The following ATP12A variants were observed in gnomAD, a reference collection of about 807,000 sequenced individuals.
ATP12A encodes the protein ATPase H+/K+ transporting non-gastric alpha2 subunit.
In ATP12A, 81 loss-of-function variants were observed where a neutral mutation model predicts 111.2. That is an observed-to-expected ratio of 0.73 (90% CI 0.61 to 0.88). ATP12A has a LOEUF of 0.88. ATP12A is among the 40% of genes least tolerant of loss of function. The probability of loss-of-function intolerance (pLI) is 0.00; values close to 1 mark genes in which losing one functional copy is unlikely to be tolerated. For synonymous variants in ATP12A, 498 were observed against 499.8 expected, an observed-to-expected ratio of 1.00 and a Z score of 0.05; for missense variants, 1,196 against 1,313.1, an observed-to-expected ratio of 0.91 and a Z score of 1.38.
chr13:24,689,461 T>C lies in ATP12A; in HGVS notation c.546+86T>C, dbSNP rs1257285967. 3 of 1,184,266 alleles carry C rather than the reference T, an allele frequency of 2.5e-6. No individual in the cohort carries two copies. In the African/African-American group the frequency reaches 4.6e-5, roughly 18 times the overall value. The allele number at this position is 1,184,266 out of a possible 1,614,324, so 73.4% of individuals were successfully genotyped here. A position where few individuals can be genotyped will look rare whatever the true frequency, so the allele number is the denominator to read the frequency against. ...GGGAGGGGCACAGGGCCCTGAGGGC[T>C]ACGGGTTTCCACTTCCTTCCCTGTC... On this transcript the variant is annotated intron_variant, in intron 5 of 22. Transcript: ENST00000381946.
At chr13:24,682,108 A>G (rs935057352) in intron 2 of ATP12A, among the ~76,000 whole-genome samples, 105 of 23,308 alleles carry the variant, frequency 4.5e-3, no homozygotes, top group Middle Eastern at 0.038. Context: ...TGTGTGTGTG[A>G]TGTGTGTGTG....
chr13:24,708,946 A>AAAGAAAGAAAGGAAGAAAGG (rs1555255697), intron 17 of ATP12A, among the ~76,000 whole-genome samples: 3 of 100,234 alleles, frequency 3.0e-5, no homozygotes, highest in Admixed American at 9.4e-5. Context: ...AGAAAGAAAG[A>AAAGAAAGAAAGGAAGAAAGG]AAGAAAGAAA....
Position 24,707,550 on chromosome 13 carries a change from A to C in ATP12A, c.2493+117A>C, listed in dbSNP as rs112736048. 27 of 1,357,736 alleles carry C rather than the reference A, an allele frequency of 2.0e-5. No homozygotes were observed. The African/African-American group carries it at 3.0e-4, about 15-fold the overall frequency. The allele number at this position is 1,357,736 out of a possible 1,614,324, so 84.1% of individuals were successfully genotyped here. A position where few individuals can be genotyped will look rare whatever the true frequency, so the allele number is the denominator to read the frequency against. On this transcript the variant is annotated intron_variant, in intron 17 of 22. Coordinates refer to ENST00000381946, the MANE Select transcript of ATP12A (RefSeq NM_001676.7). ...CTCAAGGCTTCTCAGCTTCCATGTG[A>C]TGGGGCCTGTAGCTCTGCATTTCTC... is the stretch of plus-strand genomic sequence containing the variant.
intron 14 of ATP12A, among the ~76,000 whole-genome samples, chr13:24,703,022 C>T (rs534691517): frequency 1.1e-4 from 16 of 152,322 alleles, no homozygotes; most frequent in Non-Finnish European, 2.1e-4. Flanking sequence ...TAGGGACACA[C>T]AGCTGTCAGG....
At chr13:24,705,606 C>T (rs1875593371) in intron 14 of ATP12A, among the ~76,000 whole-genome samples, 1 of 152,152 alleles carries the variant, frequency 6.6e-6, no homozygotes, top group Non-Finnish European at 1.5e-5. Flanking sequence ...TAATTATTAC[C>T]CCTTGTTTGG....
At chr13:24,691,330 C>A in intron 8 of ATP12A, 80 bp downstream of exon 8, 1 of 1,477,064 alleles carries the variant, frequency 6.8e-7, no homozygotes, top group Non-Finnish European at 9.1e-7. Flanking sequence ...ACACAAACTG[C>A]AATCTCCCCC....
At chr13:24,690,210 T>C in intron 5 of ATP12A, 128 bp from the exon 6 acceptor site, 3 of 1,414,784 alleles carry the variant, frequency 2.1e-6, no homozygotes, top group South Asian at 1.3e-5. Flanking sequence ...CATAACAGCA[T>C]GGACTCAACA....
chr13:24,682,654 C>CCCTA (rs1397276189), intron 2 of ATP12A, among the ~76,000 whole-genome samples: 1 of 152,118 alleles, frequency 6.6e-6, no homozygotes, highest in African/African-American at 2.4e-5. Flanking sequence ...AAACCAAAGC[C>CCCTA]CCTAGGCCAT....
In ATP12A at chr13:24,707,600, C is replaced by G. The variant is rs572347523; in HGVS notation, c.2493+167C>G. On this transcript the variant is annotated intron_variant, in intron 17 of 22. Transcript: ENST00000381946. ...CACAGGTTCTCAGGTGGTGCCCATT[C>G]TACCAGTCCACATGCCACACCTCAA... Among the ~76,000 whole-genome samples the G allele has an allele frequency of 1.6e-4, 24 of 152,326 alleles. 1 individual carries two copies. The South Asian group carries it at 5.0e-3, about 32-fold the overall frequency.
rs34361489 is a variant in ATP12A, at chr13:24,682,959, C to CTTTTTTTTTTTT, written c.168+1242_168+1253dup. On this transcript the variant is annotated intron_variant, in intron 2 of 22. Transcript: ENST00000381946. Reference sequence around the variant, plus strand: ...GAGCTCTGGAGTTATTAAAACTAGCCTTTTTTTTTTTTTTGAGACAGAGTT... The same window carrying CTTTTTTTTTTTT: ...GAGCTCTGGAGTTATTAAAACTAGCCTTTTTTTTTTTTTTTTTTTTTTTTTTGAGACAGAGTT... Among the ~76,000 whole-genome samples, 1,041 of 138,602 alleles carry CTTTTTTTTTTTT rather than the reference C, an allele frequency of 7.5e-3. 21 individuals carry two copies. The highest frequency in any genetic ancestry group is 0.013 in the Middle Eastern group (3 of 240). 90.9% of individuals were successfully genotyped at this position (138,602 alleles called of 152,430 possible).
intron 5 of ATP12A, among the ~76,000 whole-genome samples, chr13:24,689,920 T>G (rs1874809794): frequency 6.6e-6 from 1 of 151,942 alleles, no homozygotes; most frequent in African/African-American, 2.4e-5. Flanking sequence ...ACTCGCAAGA[T>G]TATCAGCCTC....
chr13:24,680,437 T>A lies in ATP12A; in HGVS notation c.-307T>A, dbSNP rs554827579. 1.1e-4 allele frequency: 45 copies of A among 402,952 alleles called. No homozygotes were observed. Among genetic ancestry groups the A allele is most frequent in the African/African-American group, 8.7e-4 (41 of 46,974 alleles). The allele number at this position is 402,952 out of a possible 1,614,324, so 25.0% of individuals were successfully genotyped here. On this transcript the variant is annotated 5_prime_UTR_variant, in exon 1 of 23. Transcript: ENST00000381946. Reference sequence around the variant, plus strand: ...ATCCTGGACTCTCCCGACCCCTAGCTGTCGGTCCCCCTCCCTGCGCGCGCG... The same window carrying A: ...ATCCTGGACTCTCCCGACCCCTAGCAGTCGGTCCCCCTCCCTGCGCGCGCG...
chr13:24,685,599 C>T lies in ATP12A; in HGVS notation c.228+226C>T, dbSNP rs542247395. ...TGGCAGTGAGAGGGACCAAGAGGGA[C>T]AGATGACCCCTGGCCTCAAGGAGAA... On this transcript the variant is annotated intron_variant, in intron 3 of 22. Transcript: ENST00000381946. The surrounding 1 kb of genome is among the most constrained non-coding windows in gnomAD (Gnocchi z 5.5). Among the ~76,000 whole-genome samples, 1 of 152,242 alleles carries T rather than the reference C, an allele frequency of 6.6e-6. No individual in the cohort carries two copies. The highest frequency in any genetic ancestry group is 1.9e-4 in the East Asian group (1 of 5,176).
At chr13:24,689,807 C>A (rs1359914570) in intron 5 of ATP12A, among the ~76,000 whole-genome samples, 1 of 152,160 alleles carries the variant, frequency 6.6e-6, no homozygotes, top group Non-Finnish European at 1.5e-5. Flanking sequence ...GGTGTCCACA[C>A]TGTCTCTGGC....
At chr13:24,692,699 A>C (rs936572293) in intron 9 of ATP12A, 72 bp downstream of exon 9, 424 of 1,597,198 alleles carry the variant, frequency 2.7e-4, no homozygotes, top group Non-Finnish European at 3.6e-4. Flanking sequence ...AGCACACAGC[A>C]GGGTCTGCAG....
chr13:24,693,992 G>A (rs571575189), intron 10 of ATP12A, among the ~76,000 whole-genome samples: 16 of 152,078 alleles, frequency 1.1e-4, no homozygotes, highest in African/African-American at 3.6e-4. Flanking sequence ...AAATCTCTCC[G>A]TACTTCCCTG....
rs551937252 is a variant in ATP12A, at chr13:24,704,132, G to C, written c.2018+2061G>C. On this transcript the variant is annotated intron_variant, in intron 14 of 22. Coordinates refer to ENST00000381946, the MANE Select transcript of ATP12A (RefSeq NM_001676.7). ...CCTGCCTCAGCCTCCTGAGTAGCTG[G>C]GGTTACAGGCATGTGCCACCACACC... 3.3e-5 allele frequency among the ~76,000 whole-genome samples: 5 copies of C among 152,214 alleles called. No individual in the cohort carries two copies. The East Asian group carries it at 9.7e-4, about 29-fold the overall frequency.
At position 24,710,612 on chromosome 13, in the gene ATP12A, C is replaced by A; in HGVS notation, c.2897+19C>A. 6.2e-7 allele frequency: 1 copy of A among 1,613,878 alleles called. No homozygotes were observed. Among genetic ancestry groups the A allele is most frequent in the Non-Finnish European group, 8.5e-7 (1 of 1,179,982 alleles). On this transcript the variant is annotated intron_variant, in intron 20 of 22. Coordinates refer to ENST00000381946, the MANE Select transcript of ATP12A (RefSeq NM_001676.7). ...TCTTCAGGTACTGCCTGTGCCCGGC[C>A]TCCTGGGGCAGCCCTGGGCCTGCCG... is the stretch of plus-strand genomic sequence containing the variant.
rs1474400982 is a variant in ATP12A, at chr13:24,680,602, C to A, written c.-142C>A. The A allele has an allele frequency of 1.1e-5, 11 of 1,012,660 alleles. No individual in the cohort carries two copies. The highest frequency in any genetic ancestry group is 1.7e-5 in the South Asian group (1 of 60,188). The allele number at this position is 1,012,660 out of a possible 1,614,324, so 62.7% of individuals were successfully genotyped here. A position where few individuals can be genotyped will look rare whatever the true frequency, so the allele number is the denominator to read the frequency against. ...CGGCCGCGGAGGTGCGTGCAGGGCCCGCGCCGCCGCCGGTATCTCCACCGC... is the reference window on the plus strand; with the variant it reads ...CGGCCGCGGAGGTGCGTGCAGGGCCAGCGCCGCCGCCGGTATCTCCACCGC... On this transcript the variant is annotated 5_prime_UTR_variant, in exon 1 of 23. Transcript: ENST00000381946.
Sources: allele counts gnomAD v4.1 joint callset (sites outside exome capture counted in the v4.1 genomes callset), GRCh38; gene constraint gnomAD v4.1.1; non-coding constraint Gnocchi (gnomAD v3.1); transcripts MANE v1.5; gene names NCBI Gene and HGNC (gene_info 2026-07-23, HGNC 2026-07-21).